MOB3B: variants seen among roughly 807,000 people sequenced by gnomAD.
MOB3B encodes the protein MOB kinase activator 3B.
In MOB3B, 7 loss-of-function variants were observed where a neutral mutation model predicts 18.7. That is an observed-to-expected ratio of 0.37 (90% CI 0.21 to 0.70). MOB3B has a LOEUF of 0.70. Ranked by LOEUF, MOB3B falls within the 30% of genes least tolerant of loss-of-function variation. MOB3B has a pLI of 0.52. For synonymous variants in MOB3B, 111 were observed against 99.9 expected (o/e 1.11, Z -0.66); for missense variants, 253 against 281.3 (o/e 0.90, Z 0.72).
intron 3 of MOB3B, among the ~76,000 whole-genome samples, chr9:27,334,973 G>A (rs1389097742): frequency 6.6e-6 from 1 of 152,096 alleles, no homozygotes; most frequent in African/African-American, 2.4e-5. Context: ...ACAGATGCCC[G>A]CCACCACGCC....
At chr9:27,458,110 C>T (rs1819212415) in intron 1 of MOB3B, among the ~76,000 whole-genome samples, 1 of 152,196 alleles carries the variant, frequency 6.6e-6, no homozygotes, top group African/African-American at 2.4e-5. Context: ...CACCAAACAG[C>T]TGCCCCCTCA....
At chr9:27,444,347 C>G (rs558624797) in intron 2 of MOB3B, among the ~76,000 whole-genome samples, 2 of 149,034 alleles carry the variant, frequency 1.3e-5, no homozygotes, top group African/African-American at 5.0e-5. Flanking sequence ...GATAAAATAC[C>G]CCACATCAAC....
intron 1 of MOB3B, among the ~76,000 whole-genome samples, chr9:27,496,911 T>C (rs1220976165): frequency 1.3e-5 from 2 of 152,166 alleles, no homozygotes; most frequent in Admixed American, 6.5e-5. Context: ...TCCAGAAGAG[T>C]TGGTTTTCCA....
In MOB3B at chr9:27,378,393, A is replaced by G. The variant is rs1440466057; in HGVS notation, c.419-19157T>C. ...CAGCAGGCTCTGATGTCAGCTCTGGACAAAGTGAACAGGAGGCAAAGCTGG... is the reference window on the plus strand; with the variant it reads ...CAGCAGGCTCTGATGTCAGCTCTGGGCAAAGTGAACAGGAGGCAAAGCTGG... On this transcript the variant is annotated intron_variant, in intron 2 of 3. Coordinates refer to ENST00000262244, the MANE Select transcript of MOB3B (RefSeq NM_024761.5). The G allele has an allele frequency of 1.5e-5, 7 of 471,700 alleles. No individual in the cohort carries two copies. In the East Asian group the frequency reaches 4.2e-4, roughly 28 times the overall value. The allele number at this position is 471,700 out of a possible 1,614,324, so 29.2% of individuals were successfully genotyped here.
At chr9:27,341,758 A>G (rs1820945665) in intron 3 of MOB3B, among the ~76,000 whole-genome samples, 1 of 152,140 alleles carries the variant, frequency 6.6e-6, no homozygotes, top group Non-Finnish European at 1.5e-5. Context: ...AGGAACTGAA[A>G]CTTGGAAAGG....
intron 2 of MOB3B, among the ~76,000 whole-genome samples, chr9:27,402,111 C>T (rs10115648): frequency 1.3e-5 from 2 of 152,184 alleles, no homozygotes; most frequent in East Asian, 1.9e-4. Context: ...ATAAAGTCAA[C>T]TTTGCAGAGT....
intron 2 of MOB3B, among the ~76,000 whole-genome samples, chr9:27,398,653 T>C (rs1563858868): frequency 6.6e-6 from 1 of 152,180 alleles, no homozygotes; most frequent in African/African-American, 2.4e-5. Context: ...ATGTACCACC[T>C]ACCAGAGACT....
intron 3 of MOB3B, among the ~76,000 whole-genome samples, chr9:27,344,757 C>T (rs1021689440): frequency 6.6e-6 from 1 of 152,216 alleles, no homozygotes; most frequent in Non-Finnish European, 1.5e-5. Flanking sequence ...GTGTATTTGC[C>T]AATGCTCTCC....
chr9:27,455,374 C>G lies in MOB3B; in HGVS notation c.177G>C (p.Trp59Cys), dbSNP rs1822854287. Residue 59 changes from tryptophan to cysteine, a missense_variant, in exon 2 of 4, where the codon TGG becomes TGC. Trp to Cys is a radical substitution (Grantham distance 215). Transcript: ENST00000262244. ...QLPSGEDQND[W>C]VAVHVVDFFN... ...AGAAGTCCACCACATGTACTGCCAC[C>G]CAGTCATTCTGGTCCTCCCCACTGG... 6.2e-7 allele frequency: 1 copy of G among 1,614,042 alleles called. No individual in the cohort carries two copies.
chr9:27,415,310 A>T (rs1387591773), intron 2 of MOB3B, among the ~76,000 whole-genome samples: 1 of 152,236 alleles, frequency 6.6e-6, no homozygotes, highest in Non-Finnish European at 1.5e-5. Flanking sequence ...AAAAATTATA[A>T]AATATGATTT....
rs181101092 is a variant in MOB3B, at chr9:27,522,757, G to A, written c.-199+6798C>T. Among the ~76,000 whole-genome samples, 143 of 152,072 alleles carry A rather than the reference G, an allele frequency of 9.4e-4. 2 individuals carry two copies. The highest frequency in any genetic ancestry group is 1.7e-3 in the Admixed American group (26 of 15,278). On this transcript the variant is annotated intron_variant, in intron 1 of 3. Coordinates refer to ENST00000262244, the MANE Select transcript of MOB3B (RefSeq NM_024761.5). ...GTCAAATATTATGTACATTTTTAAG[G>A]CTTTTGATCCATATCACCACTTTCC...
intron 2 of MOB3B, among the ~76,000 whole-genome samples, chr9:27,415,020 C>G (rs955930739): frequency 6.6e-6 from 1 of 152,070 alleles, no homozygotes; most frequent in African/African-American, 2.4e-5. Flanking sequence ...CACCACCATG[C>G]CTGGCTAATT....
intron 1 of MOB3B, among the ~76,000 whole-genome samples, chr9:27,476,923 G>C (rs1447654624): frequency 6.6e-6 from 1 of 152,146 alleles, no homozygotes; most frequent in Non-Finnish European, 1.5e-5. Flanking sequence ...TGGACTCAAA[G>C]ACTCCTCCAA....
At chr9:27,472,855 C>T (rs915410730) in intron 1 of MOB3B, among the ~76,000 whole-genome samples, 12 of 152,220 alleles carry the variant, frequency 7.9e-5, no homozygotes, top group South Asian at 2.1e-4. Context: ...AAAGGCTTAA[C>T]GTAGGTGAAA....
chr9:27,481,056 G>A (rs1362750598), intron 1 of MOB3B, among the ~76,000 whole-genome samples: 3 of 152,120 alleles, frequency 2.0e-5, no homozygotes, highest in African/African-American at 7.2e-5. Context: ...GATCACTTTA[G>A]AATTTAGTAA....
intron 2 of MOB3B, among the ~76,000 whole-genome samples, chr9:27,363,155 A>G (rs1247045708): frequency 6.6e-6 from 1 of 152,204 alleles, no homozygotes; most frequent in Non-Finnish European, 1.5e-5. Context: ...TCTCCATTAC[A>G]TAACTAAAAG....
intron 1 of MOB3B, among the ~76,000 whole-genome samples, chr9:27,487,128 C>T (rs1247614147): frequency 5.8e-5 from 1 of 17,168 alleles, no homozygotes; most frequent in African/African-American, 1.2e-4. Context: ...AAGATTCTGT[C>T]TCAAAAATAA....
intron 2 of MOB3B, among the ~76,000 whole-genome samples, chr9:27,404,207 C>A (rs1821931006): frequency 6.6e-6 from 1 of 151,754 alleles, no homozygotes; most frequent in African/African-American, 2.4e-5. Context: ...TCTTTCTGTG[C>A]TTGGCTTATT....
intron 1 of MOB3B, among the ~76,000 whole-genome samples, chr9:27,523,356 C>T (rs1327502907): frequency 6.6e-6 from 1 of 151,514 alleles, no homozygotes; most frequent in Non-Finnish European, 1.5e-5. Flanking sequence ...CAGTGCACAA[C>T]AAACACAGGA....
Sources: allele counts gnomAD v4.1 joint callset (sites outside exome capture counted in the v4.1 genomes callset), GRCh38; gene constraint gnomAD v4.1.1; transcripts MANE v1.5; gene names NCBI Gene and HGNC (gene_info 2026-07-23, HGNC 2026-07-21).